Variants in NEDD4 observed in about 807,000 individuals in gnomAD.
NEDD4 encodes NEDD4 E3 ubiquitin protein ligase, also known as E3 ubiquitin-protein ligase NEDD4.
NEDD4 carries 99 observed loss-of-function variants against 144.9 expected under a neutral mutation model. The ratio of observed to expected loss-of-function variants is 0.68; its 90% confidence interval spans 0.58 to 0.81. The LOEUF (loss-of-function observed/expected upper bound fraction) is 0.81, where lower values mean the gene tolerates loss of function less well. NEDD4 is among the 30% of genes least tolerant of loss of function. The pLI is 0.00. For synonymous variants in NEDD4, 318 were observed against 350.6 expected (o/e 0.91, Z 1.04); for missense variants, 985 against 1,065.9 (o/e 0.92, Z 1.06).
chr15:55,883,443 T>C (rs1186166142), intron 5 of NEDD4, among the ~76,000 whole-genome samples: 11 of 152,156 alleles, frequency 7.2e-5, no homozygotes, highest in African/African-American at 2.7e-4. Context: ...GAATGCACTC[T>C]GGGCCCAAGG....
Position 55,838,182 on chromosome 15 carries a change from TA to T in NEDD4, c.2128-3del. 6.3e-7 allele frequency: 1 copy of T among 1,586,434 alleles called. No homozygotes were observed. The highest frequency in any genetic ancestry group is 8.6e-7 in the Non-Finnish European group (1 of 1,162,552). On this transcript the variant is annotated splice_region_variant and splice_polypyrimidine_tract_variant and intron_variant, in intron 22 of 28. Transcript: ENST00000435532. The stretch of plus-strand genomic sequence containing the variant: ...ATTTTTCAGCTCATGTTGATGTGTC[TA>T]AAATTAAACACAATAACTTGATATG...
At chr15:55,932,096 T>C (rs2036792808) in intron 4 of NEDD4, among the ~76,000 whole-genome samples, 2 of 152,130 alleles carry the variant, frequency 1.3e-5, no homozygotes, top group Non-Finnish European at 2.9e-5. Context: ...TCCCTTTGTG[T>C]AGTGGGAGGG....
intron 5 of NEDD4, among the ~76,000 whole-genome samples, chr15:55,920,608 C>T (rs1353519503): frequency 1.3e-5 from 2 of 152,152 alleles, no homozygotes; most frequent in Admixed American, 6.5e-5. Flanking sequence ...ACATTACAAA[C>T]GTTTTCCAGA....
intron 1 of NEDD4, among the ~76,000 whole-genome samples, chr15:55,969,105 A>G (rs1305510078): frequency 1.3e-5 from 2 of 152,156 alleles, no homozygotes; most frequent in African/African-American, 4.8e-5. Flanking sequence ...GTGGTGGCTG[A>G]GAGAGAATCT....
At chr15:55,929,485 C>T (rs186950983) in intron 4 of NEDD4, among the ~76,000 whole-genome samples, 16 of 151,794 alleles carry the variant, frequency 1.1e-4, no homozygotes, top group East Asian at 9.7e-4. Flanking sequence ...CACCCTCCTC[C>T]TCTCCTCTAC....
intron 4 of NEDD4, among the ~76,000 whole-genome samples, chr15:55,942,712 C>T (rs1370821650): frequency 6.6e-6 from 1 of 152,060 alleles, no homozygotes; most frequent in Non-Finnish European, 1.5e-5. Context: ...CAAGAACAAA[C>T]TAATACAGAA....
intron 5 of NEDD4, among the ~76,000 whole-genome samples, chr15:55,891,289 A>G (rs2035564285): frequency 6.6e-6 from 1 of 152,232 alleles, no homozygotes; most frequent in Non-Finnish European, 1.5e-5. Context: ...AAAAGTCAAT[A>G]TGCATAGTCT....
intron 2 of NEDD4, among the ~76,000 whole-genome samples, chr15:55,953,550 T>C (rs1020692959): frequency 6.6e-6 from 1 of 151,874 alleles, no homozygotes; most frequent in Non-Finnish European, 1.5e-5. Context: ...CAAGCTATTC[T>C]CCTGCCACAG....
chr15:55,899,564 C>A (rs1263103405), intron 5 of NEDD4, among the ~76,000 whole-genome samples: 1 of 152,164 alleles, frequency 6.6e-6, no homozygotes, highest in Non-Finnish European at 1.5e-5. Context: ...AGGGCAGGTA[C>A]CAGTAGAGAA....
chr15:55,881,004 A>C (rs886873423), intron 5 of NEDD4, among the ~76,000 whole-genome samples: 1 of 152,206 alleles, frequency 6.6e-6, no homozygotes, highest in African/African-American at 2.4e-5. Context: ...GTACGGTTGG[A>C]GTCTAAGGCC....
intron 4 of NEDD4, among the ~76,000 whole-genome samples, chr15:55,926,747 C>G (rs914509006): frequency 6.6e-6 from 1 of 151,396 alleles, no homozygotes; most frequent in Non-Finnish European, 1.5e-5. Context: ...GCCTAGATAA[C>G]AGAGTGCAAA....
rs780471573 is a variant in NEDD4, at chr15:55,860,740, A to G, written c.713T>C (p.Leu238Pro). 1.9e-6 allele frequency: 3 copies of G among 1,614,184 alleles called. No homozygotes were observed. Among genetic ancestry groups the G allele is most frequent in the East Asian group, 2.2e-5 (1 of 44,892 alleles). The change falls in exon 10 of 29, where the codon CTG becomes CCG. Residue 238 changes from leucine (L) to proline (P), a missense_variant. By Grantham distance (98) the Leu-to-Pro change is moderately conservative (BLOSUM62 -3). Transcript: ENST00000435532. ...GGTGGTAAATGCACGTTGTGCTTGCAGTTGAATGTTGCCATTCTCAGCATC... is the reference window on the plus strand; with the variant it reads ...GGTGGTAAATGCACGTTGTGCTTGCGGTTGAATGTTGCCATTCTCAGCATC... Reference protein sequence around the residue: ...LTDAENGNIQLQAQRAFTTRR... With the variant: ...LTDAENGNIQPQAQRAFTTRR...
chr15:55,914,629 TAGGGTGGAAACAAA>T (rs1458133179), intron 5 of NEDD4, among the ~76,000 whole-genome samples: 1 of 151,826 alleles, frequency 6.6e-6, no homozygotes, highest in Non-Finnish European at 1.5e-5. Flanking sequence ...TAAAGAAAAA[TAGGGTGGAAACAAA>T]ATTCCTGTGG....
intron 4 of NEDD4, among the ~76,000 whole-genome samples, chr15:55,938,314 G>T (rs1439206853): frequency 6.6e-6 from 1 of 152,068 alleles, no homozygotes; most frequent in East Asian, 1.9e-4. Flanking sequence ...AGCCGAGATC[G>T]TGCCACTGCA....
At chr15:55,969,374 G>A (rs2037570340) in intron 1 of NEDD4, among the ~76,000 whole-genome samples, 1 of 152,198 alleles carries the variant, frequency 6.6e-6, no homozygotes, top group Admixed American at 6.5e-5. Flanking sequence ...AAGGACTGCA[G>A]TCCCTGAGCA....
In NEDD4 at chr15:55,829,954, T is replaced by TA; in HGVS notation, c.2645dup (p.Leu882PhefsTer4). The TA allele has an allele frequency of 6.2e-7, 1 of 1,613,846 alleles. No individual in the cohort carries two copies. Among genetic ancestry groups the TA allele is most frequent in the Non-Finnish European group, 8.5e-7 (1 of 1,179,896 alleles). On this transcript the variant is annotated frameshift_variant, in exon 29 of 29. Coordinates refer to ENST00000435532, the MANE Select transcript of NEDD4 (RefSeq NM_006154.4). LOFTEE classifies it high-confidence loss of function. ...CAATTGCCATCTGAAGTTTATCCCA[T>TA]AATTCTTCAAATGATTCATAAGGTG... is the stretch of plus-strand genomic sequence containing the variant.
intron 8 of NEDD4, among the ~76,000 whole-genome samples, chr15:55,868,510 G>A (rs1354077037): frequency 1.3e-5 from 2 of 152,158 alleles, no homozygotes; most frequent in African/African-American, 2.4e-5. Flanking sequence ...TCTCATGATA[G>A]TGAATAAGTC....
intron 4 of NEDD4, among the ~76,000 whole-genome samples, chr15:55,948,601 C>A (rs2037170646): frequency 6.6e-6 from 1 of 152,168 alleles, no homozygotes; most frequent in African/African-American, 2.4e-5. Flanking sequence ...GGTATCAAAA[C>A]AGAGATACAG....
At chr15:55,960,364 C>T (rs61444949) in intron 2 of NEDD4, among the ~76,000 whole-genome samples, 20,455 of 152,198 alleles carry the variant, frequency 0.13, 1,501 homozygotes, top group East Asian at 0.32. Flanking sequence ...GCAGGCAGAA[C>T]GTGGAAGGAC....
Sources: gnomAD v4.1 joint callset for allele counts (sites outside exome capture counted in the v4.1 genomes callset) on GRCh38, gnomAD v4.1.1 for gene constraint, MANE v1.5 for transcripts, NCBI Gene and HGNC (gene_info 2026-07-23, HGNC 2026-07-21) for gene names.